The following CTNNA3 variants were observed in gnomAD, a reference collection of about 807,000 sequenced individuals.
The protein encoded by CTNNA3 is catenin alpha 3.
A neutral mutation model predicts 95.7 loss-of-function variants in CTNNA3; 76 were observed. The observed-to-expected ratio is 0.79, with a 90% CI of 0.66 to 0.96. CTNNA3 has a LOEUF of 0.96. Among genes scored for constraint, CTNNA3 ranks in the 40% least tolerant of loss-of-function variants. CTNNA3 has a pLI of 0.00. For missense variants in CTNNA3, 1,191 were observed against 1,089.8 expected (o/e 1.09, Z -1.31); for synonymous variants, 431 against 374.4 (o/e 1.15, Z -1.74).
intron 1 of CTNNA3, among the ~76,000 whole-genome samples, chr10:67,663,554 G>A (rs547835339): frequency 1.3e-5 from 2 of 152,062 alleles, no homozygotes; most frequent in Non-Finnish European, 1.5e-5. Flanking sequence ...TGGGGCAGCC[G>A]CAGGAGGGGC....
chr10:67,412,178 TA>T (rs1845391788), intron 5 of CTNNA3, among the ~76,000 whole-genome samples: 1 of 152,152 alleles, frequency 6.6e-6, no homozygotes. Context: ...TCAAGTATAT[TA>T]TATGTATTTA....
intron 7 of CTNNA3, among the ~76,000 whole-genome samples, chr10:66,787,987 C>G (rs2132868703): frequency 6.6e-6 from 1 of 152,276 alleles, no homozygotes; most frequent in South Asian, 2.1e-4. Context: ...GTATCCAAAG[C>G]TGTTACTACC....
chr10:66,255,929 T>C (rs1167814004), intron 13 of CTNNA3, among the ~76,000 whole-genome samples: 1 of 152,164 alleles, frequency 6.6e-6, no homozygotes. Context: ...ATTAACTAGT[T>C]GATGTTCCCG....
intron 5 of CTNNA3, among the ~76,000 whole-genome samples, chr10:67,342,441 T>A (rs1384437025): frequency 6.6e-6 from 1 of 152,158 alleles, no homozygotes; most frequent in Non-Finnish European, 1.5e-5. Context: ...ATTTGCAACT[T>A]GACGTGATCC....
chr10:67,687,894 C>T (rs1447798571), intron 1 of CTNNA3, among the ~76,000 whole-genome samples: 1 of 152,142 alleles, frequency 6.6e-6, no homozygotes, highest in Non-Finnish European at 1.5e-5. Flanking sequence ...ACTCCAGTCC[C>T]CATGATCTGA....
At position 66,381,240 on chromosome 10, in the gene CTNNA3, C is replaced by T. The variant is rs574278890; in HGVS notation, c.1532-1888G>A. Among the ~76,000 whole-genome samples, 33 of 152,174 alleles carry T rather than the reference C, an allele frequency of 2.2e-4. No homozygotes were observed. The South Asian group carries it at 6.9e-3, about 32-fold the overall frequency. On this transcript the variant is annotated intron_variant, in intron 11 of 17. Coordinates refer to ENST00000433211, the MANE Select transcript of CTNNA3 (RefSeq NM_013266.4). Reference sequence around the variant, plus strand: ...GAACCTTGGCCTGAACAGTCTGTCCCCTTTGACCTGCTTGCTCAACTCCTA... The same window carrying T: ...GAACCTTGGCCTGAACAGTCTGTCCTCTTTGACCTGCTTGCTCAACTCCTA...
chr10:67,627,801 T>C (rs1353887843), intron 2 of CTNNA3, among the ~76,000 whole-genome samples: 1 of 151,850 alleles, frequency 6.6e-6, no homozygotes, highest in African/African-American at 2.4e-5. Flanking sequence ...ACTTACTTCC[T>C]AGGTTTTCAG....
intron 15 of CTNNA3, among the ~76,000 whole-genome samples, chr10:66,042,899 CAAAAAAAAAAAAA>C (rs60090636): frequency 1.1e-3 from 53 of 50,410 alleles, no homozygotes; most frequent in African/African-American, 4.3e-3. Flanking sequence ...GACTCTGTCT[CAAAAAAAAAAAAA>C]AAAAAAAAAA....
intron 7 of CTNNA3, among the ~76,000 whole-genome samples, chr10:66,794,850 A>G (rs1841126459): frequency 6.7e-6 from 1 of 149,538 alleles, no homozygotes; most frequent in African/African-American, 2.5e-5. Flanking sequence ...CAGTGTTCAA[A>G]GCATCTCCAC....
At chr10:67,559,112 G>C (rs2133251392) in intron 3 of CTNNA3, among the ~76,000 whole-genome samples, 1 of 152,316 alleles carries the variant, frequency 6.6e-6, no homozygotes, top group East Asian at 1.9e-4. Context: ...AAATGTCCCT[G>C]TCTGACAGCT....
Position 66,080,370 on chromosome 10 carries a change from T to A in CTNNA3, c.1978-10881A>T, listed in dbSNP as rs191197304. Among the ~76,000 whole-genome samples the A allele has an allele frequency of 1.8e-3, 271 of 152,218 alleles. 1 individual carries two copies. The highest frequency in any genetic ancestry group is 6.2e-3 in the African/African-American group (259 of 41,552). On this transcript the variant is annotated intron_variant, in intron 14 of 17. Coordinates refer to ENST00000433211, the MANE Select transcript of CTNNA3 (RefSeq NM_013266.4). ...TATAACTATTCCCTTCTTACTCCAT[T>A]ATAGTAACCCAACATTGTAAAATTC...
chr10:66,267,675 T>C (rs1271600094), intron 13 of CTNNA3, among the ~76,000 whole-genome samples: 3 of 152,082 alleles, frequency 2.0e-5, no homozygotes, highest in African/African-American at 7.2e-5. Flanking sequence ...GGATAGAAAA[T>C]TACTTCTCAA....
In CTNNA3 at chr10:66,824,713, A is replaced by G. The variant is rs1249502172; in HGVS notation, c.1048-49189T>C. ...ACAAACCCAAATTGAAAGACGTTCTATAAAATACCTAACCAGTACTCTTCA... is the reference window on the plus strand; with the variant it reads ...ACAAACCCAAATTGAAAGACGTTCTGTAAAATACCTAACCAGTACTCTTCA... On this transcript the variant is annotated intron_variant, in intron 7 of 17. Transcript: ENST00000433211. 3.9e-5 allele frequency among the ~76,000 whole-genome samples: 6 copies of G among 152,310 alleles called. No individual in the cohort carries two copies. The South Asian group carries it at 8.3e-4, about 21-fold the overall frequency.
intron 10 of CTNNA3, among the ~76,000 whole-genome samples, chr10:66,588,507 A>G (rs1431052221): frequency 6.6e-6 from 1 of 152,146 alleles, no homozygotes; most frequent in Non-Finnish European, 1.5e-5. Context: ...CAATTCTTAA[A>G]ACACCTGCAA....
intron 5 of CTNNA3, among the ~76,000 whole-genome samples, chr10:67,453,113 GCCAGCTGCCTC>G (rs1847051301): frequency 6.6e-6 from 1 of 152,134 alleles, no homozygotes; most frequent in African/African-American, 2.4e-5. Flanking sequence ...TGGGCACTGG[GCCAGCTGCCTC>G]CACTGATCAT....
chr10:67,134,807 T>C (rs1589779048), intron 7 of CTNNA3, among the ~76,000 whole-genome samples: 1 of 152,086 alleles, frequency 6.6e-6, no homozygotes, highest in East Asian at 1.9e-4. Context: ...GAGTGGTTAG[T>C]TCAGGATATG....
In CTNNA3 at chr10:67,743,615, T is replaced by C. The variant is rs192570337; in HGVS notation, c.-2+19819A>G. Among the ~76,000 whole-genome samples the C allele has an allele frequency of 2.5e-3, 381 of 151,344 alleles. 10 individuals carry two copies. Among genetic ancestry groups the C allele is most frequent in the African/African-American group, 8.6e-3 (356 of 41,384 alleles). On this transcript the variant is annotated intron_variant, in intron 1 of 17. Transcript: ENST00000684154. ...ACAAGACAGGGATGCCCTCTCTCAC[T>C]ACTCCTATTCAACATAGTGTTGAAA...
chr10:67,683,301 A>G (rs188913773), intron 1 of CTNNA3, among the ~76,000 whole-genome samples: 315 of 152,314 alleles, frequency 2.1e-3, no homozygotes, highest in Middle Eastern at 6.8e-3. Flanking sequence ...CTTCACCCCC[A>G]TCCACAAAAA....
chr10:67,605,700 C>A (rs150108899), intron 3 of CTNNA3, among the ~76,000 whole-genome samples: 1 of 150,896 alleles, frequency 6.6e-6, no homozygotes, highest in East Asian at 1.9e-4. Flanking sequence ...TTTTTTGAGA[C>A]GAAGTCTCGC....
Sources: allele counts gnomAD v4.1 joint callset (sites outside exome capture counted in the v4.1 genomes callset), GRCh38; gene constraint gnomAD v4.1.1; transcripts MANE v1.5; gene names NCBI Gene and HGNC (gene_info 2026-07-23, HGNC 2026-07-21).